Variants in STRBP observed in about 807,000 individuals in gnomAD.
STRBP encodes spermatid perinuclear RNA binding protein, also known as spermatid perinuclear RNA-binding protein.
STRBP carries 13 observed loss-of-function variants against 80.1 expected under a neutral mutation model. That is an observed-to-expected ratio of 0.16 (90% CI 0.11 to 0.26). The LOEUF (loss-of-function observed/expected upper bound fraction) is 0.26, where lower values mean the gene tolerates loss of function less well. Ranked by LOEUF, STRBP falls within the 10% of genes least tolerant of loss-of-function variation. STRBP has a pLI of 1.00. For synonymous variants in STRBP, 284 were observed against 291.2 expected, an observed-to-expected ratio of 0.98 and a Z score of 0.25; for missense variants, 485 against 815.2, an observed-to-expected ratio of 0.59 and a Z score of 4.93.
intron 2 of STRBP, among the ~76,000 whole-genome samples, chr9:123,192,056 T>C (rs974027170): frequency 7.9e-5 from 12 of 152,188 alleles, no homozygotes; most frequent in African/African-American, 2.9e-4. Flanking sequence ...GCATCAGGAT[T>C]GACTTTAAGG....
At chr9:123,157,615 G>T (rs1486445626) in intron 11 of STRBP, among the ~76,000 whole-genome samples, 1 of 152,092 alleles carries the variant, frequency 6.6e-6, no homozygotes, top group Non-Finnish European at 1.5e-5. Context: ...TAACTGGGGA[G>T]GCCTCAGGAA....
intron 11 of STRBP, among the ~76,000 whole-genome samples, chr9:123,153,624 A>G (rs1564242946): frequency 6.6e-6 from 1 of 152,234 alleles, no homozygotes; most frequent in South Asian, 2.1e-4. Context: ...AGGGATAACT[A>G]TAGAAAGAGA....
At chr9:123,259,296 A>G (rs910801937) in intron 1 of STRBP, among the ~76,000 whole-genome samples, 3 of 152,226 alleles carry the variant, frequency 2.0e-5, no homozygotes, top group Non-Finnish European at 2.9e-5. Flanking sequence ...AAGATTATAA[A>G]AGGGACACGG....
chr9:123,235,350 CAG>C (rs897442713), intron 2 of STRBP, among the ~76,000 whole-genome samples: 6 of 149,438 alleles, frequency 4.0e-5, no homozygotes, highest in Admixed American at 6.7e-5. Context: ...TAATGGATTA[CAG>C]AGATACAGAT....
chr9:123,145,015 G>A (rs754786333), intron 13 of STRBP, among the ~76,000 whole-genome samples: 18 of 152,026 alleles, frequency 1.2e-4, no homozygotes, highest in Admixed American at 7.9e-4. Flanking sequence ...TCCCATTTTC[G>A]AAAAGGGCAA....
At chr9:123,150,449 C>T (rs987521398) in intron 11 of STRBP, among the ~76,000 whole-genome samples, 1 of 152,092 alleles carries the variant, frequency 6.6e-6, no homozygotes. Context: ...TGCCTGTAGT[C>T]CCAGCTACTC....
chr9:123,235,177 C>T (rs974102512), intron 2 of STRBP, among the ~76,000 whole-genome samples: 2 of 152,072 alleles, frequency 1.3e-5, no homozygotes, highest in African/African-American at 4.8e-5. Context: ...ATTTTAACAA[C>T]ACACTTGCCA....
rs144602304 is a variant in STRBP, at chr9:123,193,265, T to C, written c.-164-8967A>G. Among the ~76,000 whole-genome samples, 159 of 152,314 alleles carry C rather than the reference T, an allele frequency of 1.0e-3. 1 individual carries two copies. The highest frequency in any genetic ancestry group is 4.8e-3 in the South Asian group (23 of 4,828). Reference sequence around the variant, plus strand: ...CGCCCTGCACTCAGCAGAGGCTCAATAGAATTTGAATTCAACCCTAAATTT... The same window carrying C: ...CGCCCTGCACTCAGCAGAGGCTCAACAGAATTTGAATTCAACCCTAAATTT... On this transcript the variant is annotated intron_variant, in intron 2 of 18. Coordinates refer to ENST00000348403, the MANE Select transcript of STRBP (RefSeq NM_018387.5).
intron 13 of STRBP, among the ~76,000 whole-genome samples, chr9:123,141,595 T>C (rs2036592655): frequency 6.6e-6 from 1 of 152,202 alleles, no homozygotes; most frequent in South Asian, 2.1e-4. Context: ...TTGATTTGTT[T>C]ATTCCAATAA....
Position 123,260,677 on chromosome 9 carries a change from T to A in STRBP, c.-302+7759A>T, listed in dbSNP as rs974700521. Among the ~76,000 whole-genome samples the A allele has an allele frequency of 2.0e-5, 3 of 152,134 alleles. No homozygotes were observed. The East Asian group carries it at 5.8e-4, about 29-fold the overall frequency. ...TATCAGTCAGAAATATATACTGAAG[T>A]ATTTATGGATCAAAGTATATGATGT... On this transcript the variant is annotated intron_variant, in intron 1 of 18. Coordinates refer to ENST00000348403, the MANE Select transcript of STRBP (RefSeq NM_018387.5).
At chr9:123,157,449 T>C (rs803737) in intron 11 of STRBP, among the ~76,000 whole-genome samples, 147,444 of 152,294 alleles carry the variant, frequency 0.97, 71,546 homozygotes, top group East Asian at 1. Context: ...TATGTTACAT[T>C]AGCTGACGTT....
intron 4 of STRBP, among the ~76,000 whole-genome samples, chr9:123,174,998 A>C (rs2132439393): frequency 6.6e-6 from 1 of 152,348 alleles, no homozygotes; most frequent in Middle Eastern, 3.4e-3. Flanking sequence ...TTAAGCAACA[A>C]AAGCAGTAAC....
chr9:123,162,347 C>T (rs369671989), intron 6 of STRBP, among the ~76,000 whole-genome samples: 1 of 152,088 alleles, frequency 6.6e-6, no homozygotes, highest in East Asian at 1.9e-4. Context: ...ACCTCACCCT[C>T]CTGAGTAGCT....
chr9:123,247,042 TAAC>T (rs534592656), intron 1 of STRBP, among the ~76,000 whole-genome samples: 8 of 151,958 alleles, frequency 5.3e-5, no homozygotes, highest in Non-Finnish European at 1.2e-4. Flanking sequence ...ATTAATTAAA[TAAC>T]AACAATAATT....
downstream of STRBP, among the ~76,000 whole-genome samples, chr9:123,120,733 A>AT (rs1405144805): frequency 6.6e-6 from 1 of 152,136 alleles, no homozygotes; most frequent in East Asian, 1.9e-4. Flanking sequence ...GGACCGGAGT[A>AT]TTTGTTATGA....
chr9:123,235,922 C>G (rs1465035079), intron 2 of STRBP, among the ~76,000 whole-genome samples: 1 of 152,172 alleles, frequency 6.6e-6, no homozygotes, highest in African/African-American at 2.4e-5. Flanking sequence ...GTAAAAGGCT[C>G]CATCTTACTT....
downstream of STRBP, among the ~76,000 whole-genome samples, chr9:123,120,727 C>G (rs992964016): frequency 6.6e-6 from 1 of 151,890 alleles, no homozygotes; most frequent in African/African-American, 2.4e-5. Context: ...TGGAAAGGAC[C>G]GGAGTATTTG....
chr9:123,212,074 G>C (rs2039729149), intron 2 of STRBP, among the ~76,000 whole-genome samples: 1 of 152,094 alleles, frequency 6.6e-6, no homozygotes, highest in African/African-American at 2.4e-5. Context: ...AAAGTAAAAT[G>C]CAAAACTTCT....
chr9:123,127,601 T>C (rs2035947511), intron 18 of STRBP, among the ~76,000 whole-genome samples: 1 of 152,222 alleles, frequency 6.6e-6, no homozygotes, highest in Non-Finnish European at 1.5e-5. Flanking sequence ...TTTGCTTTTA[T>C]TTTTTATTTT....
Sources: gnomAD v4.1 joint callset for allele counts (sites outside exome capture counted in the v4.1 genomes callset) on GRCh38, gnomAD v4.1.1 for gene constraint, MANE v1.5 for transcripts, NCBI Gene and HGNC (gene_info 2026-07-23, HGNC 2026-07-21) for gene names.